Variants in PAG1 observed in about 807,000 individuals in gnomAD.
The protein encoded by PAG1 is phosphoprotein associated with glycosphingolipid-enriched microdomains 1.
Under a neutral mutation model 31.7 loss-of-function variants are expected in PAG1, and 23 were observed. The ratio of observed to expected loss-of-function variants is 0.73; its 90% CI spans 0.52 to 1.03. PAG1 has a LOEUF of 1.03. PAG1 is among the 50% of genes least tolerant of loss of function. PAG1 has a pLI of 0.00. For synonymous variants in PAG1, 214 were observed against 210.3 expected, an observed-to-expected ratio of 1.02 and a Z score of -0.15; for missense variants, 473 against 540.7, an observed-to-expected ratio of 0.87 and a Z score of 1.24.
chr8:81,096,313 G>T (rs1423621956), intron 1 of PAG1, among the ~76,000 whole-genome samples: 1 of 147,566 alleles, frequency 6.8e-6, no homozygotes, highest in Non-Finnish European at 1.5e-5. Context: ...CATGCATTCT[G>T]ACCCCCAGAA....
intron 2 of PAG1, among the ~76,000 whole-genome samples, chr8:81,049,990 C>A (rs1808701554): frequency 6.6e-6 from 1 of 152,180 alleles, no homozygotes; most frequent in Non-Finnish European, 1.5e-5. Context: ...CCTGGTCTCT[C>A]CCCGAGTCTG....
chr8:80,992,993 G>T, intron 4 of PAG1, 110 bp downstream of exon 4: 1 of 914,960 alleles, frequency 1.1e-6, no homozygotes, highest in Non-Finnish European at 1.6e-6. Flanking sequence ...ACAAGTTTCT[G>T]GGACGGCTCT....
chr8:80,993,251 G>T lies in PAG1; in HGVS notation c.-24C>A. On this transcript the variant is annotated 5_prime_UTR_variant, in exon 4 of 9. The change creates a new upstream start codon in the 5' untranslated region. Transcript: ENST00000220597. ...ATGGCAGGAGCAGGCACTGGCACCA[G>T]CCGAGGGAATCAGTCAGTCCTTCAA... The T allele has an allele frequency of 6.3e-7, 1 of 1,590,692 alleles. No individual in the cohort carries two copies.
In PAG1 at chr8:80,976,924, A is replaced by T. The variant is rs922490642; in HGVS notation, c.937-18T>A. 6.3e-7 allele frequency: 1 copy of T among 1,576,740 alleles called. No individual in the cohort carries two copies. Among genetic ancestry groups the T allele is most frequent in the African/African-American group, 1.4e-5 (1 of 73,286 alleles). Reference sequence around the variant, plus strand: ...GCTGAGATCTAGGAGACAAAGGGAGAGTTGAATAAACTTCCAGCTGTGACT... The same window carrying T: ...GCTGAGATCTAGGAGACAAAGGGAGTGTTGAATAAACTTCCAGCTGTGACT... On this transcript the variant is annotated intron_variant, in intron 8 of 8. Coordinates refer to ENST00000220597, the MANE Select transcript of PAG1 (RefSeq NM_018440.4).
Position 80,973,413 on chromosome 8 carries a change from C to T in PAG1, c.*3131G>A, listed in dbSNP as rs1807117702. Reference sequence around the variant, plus strand: ...AAAAATTTTGCATAAAACAGGTTACCCTTTCCTGCTGACTATACTTAAGAA... The same window carrying T: ...AAAAATTTTGCATAAAACAGGTTACTCTTTCCTGCTGACTATACTTAAGAA... On this transcript the variant is annotated 3_prime_UTR_variant, in exon 9 of 9. Coordinates refer to ENST00000220597, the MANE Select transcript of PAG1 (RefSeq NM_018440.4). 1 of 152,030 alleles carries T rather than the reference C, an allele frequency of 6.6e-6. No individual in the cohort carries two copies. Among genetic ancestry groups the T allele is most frequent in the African/African-American group, 2.4e-5 (1 of 41,380 alleles). 9.4% of individuals were successfully genotyped at this position (152,030 alleles called of 1,614,324 possible). A position where few individuals can be genotyped will look rare whatever the true frequency, so the allele number is the denominator to read the frequency against.
At chr8:81,035,552 G>GGGGTA (rs1386274818) in intron 2 of PAG1, among the ~76,000 whole-genome samples, 27 of 152,178 alleles carry the variant, frequency 1.8e-4, no homozygotes, top group African/African-American at 6.5e-4. Context: ...AGTGGACTGT[G>GGGGTA]GGGTAGGTTT....
chr8:81,018,516 TG>T (rs1341716339), intron 3 of PAG1, among the ~76,000 whole-genome samples: 13 of 152,346 alleles, frequency 8.5e-5, no homozygotes, highest in Admixed American at 6.5e-4. Context: ...CCACATGTTG[TG>T]GGAGGGACCC....
Position 80,973,392 on chromosome 8 carries a change from A to G in PAG1, c.*3152T>C, listed in dbSNP as rs1281413131. ...TAAAAACATTTGACAAATTAAAAAA[A>G]TTTTGCATAAAACAGGTTACCCTTT... On this transcript the variant is annotated 3_prime_UTR_variant, in exon 9 of 9. Coordinates refer to ENST00000220597, the MANE Select transcript of PAG1 (RefSeq NM_018440.4). 6.6e-6 allele frequency: 1 copy of G among 152,198 alleles called. No homozygotes were observed. Among genetic ancestry groups the G allele is most frequent in the East Asian group, 1.9e-4 (1 of 5,204 alleles). The allele number at this position is 152,198 out of a possible 1,614,324, so 9.4% of individuals were successfully genotyped here. A position where few individuals can be genotyped will look rare whatever the true frequency, so the allele number is the denominator to read the frequency against.
chr8:81,097,503 G>T (rs1407828348), intron 1 of PAG1, among the ~76,000 whole-genome samples: 5 of 152,122 alleles, frequency 3.3e-5, no homozygotes, highest in Non-Finnish European at 5.9e-5. Flanking sequence ...AATGATATCT[G>T]CAAAGAGGCT....
At chr8:81,072,601 G>A (rs1218937224) in intron 1 of PAG1, among the ~76,000 whole-genome samples, 1 of 152,212 alleles carries the variant, frequency 6.6e-6, no homozygotes, top group Non-Finnish European at 1.5e-5. Context: ...CTACTTAGGA[G>A]GCTGAGGTGA....
chr8:81,027,305 T>G (rs948938954), intron 3 of PAG1, among the ~76,000 whole-genome samples: 6 of 152,174 alleles, frequency 3.9e-5, no homozygotes, highest in Admixed American at 1.3e-4. Flanking sequence ...GCTGGCCAAT[T>G]TCTATACATT....
At chr8:81,028,784 C>G (rs1808327763) in intron 3 of PAG1, among the ~76,000 whole-genome samples, 1 of 152,220 alleles carries the variant, frequency 6.6e-6, no homozygotes, top group African/African-American at 2.4e-5. Context: ...AAGCCTATTA[C>G]AGTGAACAAA....
At chr8:81,062,453 G>T (rs1355660646) in intron 2 of PAG1, among the ~76,000 whole-genome samples, 1 of 152,216 alleles carries the variant, frequency 6.6e-6, no homozygotes, top group Admixed American at 6.5e-5. Context: ...TGGGGCATCA[G>T]ATGGGTAATG....
At chr8:81,090,238 G>C (rs1047220807) in intron 1 of PAG1, among the ~76,000 whole-genome samples, 1 of 152,170 alleles carries the variant, frequency 6.6e-6, no homozygotes, top group East Asian at 1.9e-4. Flanking sequence ...TATTCAGTGA[G>C]TATTCTATGT....
At chr8:81,010,860 G>A (rs1807970807) in intron 3 of PAG1, among the ~76,000 whole-genome samples, 1 of 152,120 alleles carries the variant, frequency 6.6e-6, no homozygotes, top group Admixed American at 6.5e-5. Flanking sequence ...TCTAGCCCTT[G>A]ACCATGTCAA....
chr8:81,038,449 C>T (rs1808498538), intron 2 of PAG1, among the ~76,000 whole-genome samples: 2 of 152,250 alleles, frequency 1.3e-5, no homozygotes, highest in Non-Finnish European at 2.9e-5. Flanking sequence ...AAGAGAGAGA[C>T]ATTTAAGCTC....
At chr8:81,031,906 T>G (rs923094623) in intron 2 of PAG1, among the ~76,000 whole-genome samples, 2 of 152,246 alleles carry the variant, frequency 1.3e-5, no homozygotes, top group African/African-American at 4.8e-5. Context: ...TATATTTATA[T>G]TCCTTCAATT....
chr8:80,982,337 C>G lies in PAG1; in HGVS notation c.877-1843G>C, dbSNP rs998444762. ...AATGAGACTCGCCTTCCCTGACCTA[C>G]CCGCTGCATTTGGCAGAGCGGCCCG... is the stretch of plus-strand genomic sequence containing the variant. On this transcript the variant is annotated intron_variant, in intron 7 of 8. Transcript: ENST00000220597. Among the ~76,000 whole-genome samples, 8 of 152,242 alleles carry G rather than the reference C, an allele frequency of 5.3e-5. 1 individual carries two copies.
In PAG1 at chr8:80,976,033, G is replaced by A. The variant is rs1207891285; in HGVS notation, c.*511C>T. ...GTCACCATCCTAAAACACCTATATTGAGGGCAAAGGCCAAGCTTTGTGTGA... is the reference window on the plus strand; with the variant it reads ...GTCACCATCCTAAAACACCTATATTAAGGGCAAAGGCCAAGCTTTGTGTGA... On this transcript the variant is annotated 3_prime_UTR_variant, in exon 9 of 9. Transcript: ENST00000220597. 1 of 154,420 alleles carries A rather than the reference G, an allele frequency of 6.5e-6. No individual in the cohort carries two copies. Among genetic ancestry groups the A allele is most frequent in the Non-Finnish European group, 1.4e-5 (1 of 69,800 alleles). The allele number at this position is 154,420 out of a possible 1,614,324, so 9.6% of individuals were successfully genotyped here.
Sources: gnomAD v4.1 joint callset for allele counts (sites outside exome capture counted in the v4.1 genomes callset) on GRCh38, gnomAD v4.1.1 for gene constraint, MANE v1.5 for transcripts, NCBI Gene and HGNC (gene_info 2026-07-23, HGNC 2026-07-21) for gene names.